Variants in TMEM132C observed in about 807,000 individuals in gnomAD.
TMEM132C encodes the protein protein phosphatase 1, regulatory subunit 152.
In TMEM132C, 29 loss-of-function variants were observed where a neutral mutation model predicts 61.4. That is an observed-to-expected ratio of 0.47 (90% CI 0.35 to 0.64). The LOEUF (loss-of-function observed/expected upper bound fraction) is 0.64, where lower values mean the gene tolerates loss of function less well. Among genes scored for constraint, TMEM132C ranks in the 30% least tolerant of loss-of-function variants. The pLI is 0.00. For missense variants in TMEM132C, 1,408 were observed against 1,476.9 expected (o/e 0.95, Z 0.76); for synonymous variants, 656 against 633.1 (o/e 1.04, Z -0.54).
intron 1 of TMEM132C, among the ~76,000 whole-genome samples, chr12:128,329,606 T>C (rs1323036302): frequency 6.6e-6 from 1 of 152,188 alleles, no homozygotes; most frequent in African/African-American, 2.4e-5. Flanking sequence ...GTTTAAATTA[T>C]CGTCCCACAG....
intron 1 of TMEM132C, among the ~76,000 whole-genome samples, chr12:128,358,539 C>T (rs1045905545): frequency 1.1e-4 from 13 of 113,304 alleles, no homozygotes; most frequent in African/African-American, 1.9e-4. Context: ...AGTGCATGTG[C>T]GCCTGAACTT....
intron 1 of TMEM132C, among the ~76,000 whole-genome samples, chr12:128,309,029 A>G (rs1871881739): frequency 1.3e-5 from 2 of 152,108 alleles, no homozygotes; most frequent in Middle Eastern, 3.4e-3. Context: ...CTGTGATGAC[A>G]GAAAGTAGAG....
chr12:128,655,138 G>T (rs1038885814), intron 4 of TMEM132C, among the ~76,000 whole-genome samples: 1 of 152,178 alleles, frequency 6.6e-6, no homozygotes, highest in Non-Finnish European at 1.5e-5. Context: ...AGTGGGAGCC[G>T]GGAGGCAGCG....
intron 3 of TMEM132C, among the ~76,000 whole-genome samples, chr12:128,583,029 G>A (rs1055088022): frequency 6.6e-6 from 1 of 152,184 alleles, no homozygotes; most frequent in African/African-American, 2.4e-5. Context: ...ATTTGTAGTG[G>A]CTGAGAAGAG....
At chr12:128,650,483 G>A (rs1359805431) in intron 4 of TMEM132C, among the ~76,000 whole-genome samples, 2 of 152,148 alleles carry the variant, frequency 1.3e-5, no homozygotes, top group Non-Finnish European at 2.9e-5. Context: ...CAGCACTTTG[G>A]GAGGCTGAGG....
rs758596930 is a variant in TMEM132C, at chr12:128,705,158, C to T, written c.2190C>T (p.Thr730=). Residue 730 remains threonine, a synonymous_variant, in exon 9 of 9, where the codon ACC becomes ACT. Transcript: ENST00000435159. ...TGACGCCCCTGGACATCTACGACACCAAGGACTTCTCCCTGGCAGCCACCT... is the reference window on the plus strand; with the variant it reads ...TGACGCCCCTGGACATCTACGACACTAAGGACTTCTCCCTGGCAGCCACCT... The part of the protein sequence containing the change: ...GSVTPLDIYD[T]KDFSLAATSQ... The T allele has an allele frequency of 6.4e-7, 1 of 1,551,570 alleles. No homozygotes were observed. The highest frequency in any genetic ancestry group is 1.2e-5 in the South Asian group (1 of 84,028).
intron 1 of TMEM132C, among the ~76,000 whole-genome samples, chr12:128,339,914 G>T (rs1458435292): frequency 1.3e-5 from 2 of 152,104 alleles, no homozygotes; most frequent in Non-Finnish European, 2.9e-5. Context: ...ACAATTCCTG[G>T]CCACCATTCC....
At position 128,697,372 on chromosome 12, in the gene TMEM132C, C is replaced by T; in HGVS notation, c.2078C>T (p.Thr693Ile). 3 of 1,550,524 alleles carry T rather than the reference C, an allele frequency of 1.9e-6. No homozygotes were observed. Among genetic ancestry groups the T allele is most frequent in the Non-Finnish European group, 1.7e-6 (2 of 1,146,184 alleles). The change falls in exon 8 of 9, where the codon ACA becomes ATA. Residue 693 changes from threonine (T) to isoleucine (I), a missense_variant. Transcript: ENST00000435159. ...YPNAENSKAV[T>I]AVVTAEEVLR... is the part of the protein sequence containing the mutation. Reference sequence around the variant, plus strand: ...AACGCAGAAAACAGCAAGGCCGTAACAGCTGTGGTCACAGCTGAGGAGGTG... The same window carrying T: ...AACGCAGAAAACAGCAAGGCCGTAATAGCTGTGGTCACAGCTGAGGAGGTG...
intron 2 of TMEM132C, among the ~76,000 whole-genome samples, chr12:128,460,904 A>G (rs1393705085): frequency 6.6e-6 from 1 of 152,288 alleles, no homozygotes; most frequent in South Asian, 2.1e-4. Context: ...AGCAAACCAG[A>G]GGCAGCCCCC....
At position 128,543,969 on chromosome 12, in the gene TMEM132C, G is replaced by T; in HGVS notation, c.987G>T (p.Lys329Asn). 6.5e-7 allele frequency: 1 copy of T among 1,546,430 alleles called. No homozygotes were observed. Among genetic ancestry groups the T allele is most frequent in the Non-Finnish European group, 8.7e-7 (1 of 1,144,706 alleles). Reference protein sequence around the residue: ...VDLFILRAKVKKGVNILSAQT... With the variant: ...VDLFILRAKVNKGVNILSAQT... ...TTCATCCCCACAGAGCCAAGGTGAA[G>T]AAGGGGGTGAACATCCTGAGTGCTC... Residue 329 changes from lysine (K) to asparagine (N), a missense_variant, in exon 3 of 9, where the codon AAG becomes AAT. Physicochemically the swap from Lys to Asn is moderately conservative, Grantham distance 94. Coordinates refer to ENST00000435159, the MANE Select transcript of TMEM132C (RefSeq NM_001136103.3).
intron 1 of TMEM132C, among the ~76,000 whole-genome samples, chr12:128,373,947 A>T (rs1157172624): frequency 2.6e-5 from 4 of 152,154 alleles, no homozygotes; most frequent in Admixed American, 2.6e-4. Context: ...CAGTCAGGCG[A>T]GTAGTGGGAT....
intron 4 of TMEM132C, 72 bp from the exon 5 acceptor site, chr12:128,669,345 C>T (rs1037199397): frequency 9.2e-5 from 139 of 1,515,556 alleles, no homozygotes; most frequent in Middle Eastern, 1.7e-4. Flanking sequence ...GGGAGATTCC[C>T]CCTAGAATTG....
rs1440900317 is a variant in TMEM132C, at chr12:128,426,176, C to T, written c.974+10556C>T. On this transcript the variant is annotated intron_variant, in intron 2 of 8. Coordinates refer to ENST00000435159, the MANE Select transcript of TMEM132C (RefSeq NM_001136103.3). Reference sequence around the variant, plus strand: ...ACGTGGAGAATAAACTCCTCTCCGCCGGAGGAGTCTAGACCGCACTCTTAA... The same window carrying T: ...ACGTGGAGAATAAACTCCTCTCCGCTGGAGGAGTCTAGACCGCACTCTTAA... Among the ~76,000 whole-genome samples, 5 of 152,196 alleles carry T rather than the reference C, an allele frequency of 3.3e-5. No individual in the cohort carries two copies. The East Asian group carries it at 5.8e-4, about 18-fold the overall frequency.
intron 3 of TMEM132C, among the ~76,000 whole-genome samples, chr12:128,596,969 G>A (rs1875986176): frequency 6.6e-6 from 1 of 152,178 alleles, no homozygotes; most frequent in Admixed American, 6.5e-5. Flanking sequence ...TGCTTTCAAG[G>A]CGTTCCATAA....
At chr12:128,377,717 T>A (rs1197939534) in intron 1 of TMEM132C, among the ~76,000 whole-genome samples, 1 of 152,164 alleles carries the variant, frequency 6.6e-6, no homozygotes, top group Admixed American at 6.5e-5. Context: ...TTGTAAACCA[T>A]CCCCGTCCTC....
chr12:128,697,601 T>C (rs1415288745), intron 8 of TMEM132C, among the ~76,000 whole-genome samples, 186 bp downstream of exon 8: 1 of 152,236 alleles, frequency 6.6e-6, no homozygotes, highest in Non-Finnish European at 1.5e-5. Context: ...ACAGACCATT[T>C]ACCAGCCTCC....
chr12:128,441,194 T>C (rs955789035), intron 2 of TMEM132C, among the ~76,000 whole-genome samples: 6 of 152,220 alleles, frequency 3.9e-5, no homozygotes, highest in Admixed American at 3.9e-4. Context: ...GGTCAGCAGT[T>C]CTGCACGGCG....
intron 4 of TMEM132C, among the ~76,000 whole-genome samples, chr12:128,649,801 A>G (rs1954249907): frequency 6.6e-6 from 1 of 152,236 alleles, no homozygotes; most frequent in Non-Finnish European, 1.5e-5. Context: ...GAGGCATTCC[A>G]AAGATGGTGC....
rs1872507453 is a variant in TMEM132C at position 128,326,125 on chromosome 12, CA to C, written c.85+58639del. Among the ~76,000 whole-genome samples, 1 of 152,040 alleles carries C rather than the reference CA, an allele frequency of 6.6e-6. No homozygotes were observed. The highest frequency in any genetic ancestry group is 2.4e-5 in the African/African-American group (1 of 41,378). On this transcript the variant is annotated intron_variant, in intron 1 of 8. Coordinates refer to ENST00000435159, the MANE Select transcript of TMEM132C (RefSeq NM_001136103.3). This position sits in a 1 kb window ranked among gnomAD's most constrained non-coding sequence, Gnocchi z 5.6. Reference sequence around the variant, plus strand: ...CTTCAAAGATAAATATCACTTCTGTCAGGTGAATAAATACCATTTGTCACAT... The same window carrying C: ...CTTCAAAGATAAATATCACTTCTGTCGGTGAATAAATACCATTTGTCACAT...
Sources: gnomAD v4.1 joint callset for allele counts (sites outside exome capture counted in the v4.1 genomes callset) on GRCh38, gnomAD v4.1.1 for gene constraint, Gnocchi (gnomAD v3.1) non-coding constraint, MANE v1.5 for transcripts, NCBI Gene and HGNC (gene_info 2026-07-23, HGNC 2026-07-21) for gene names.